The following FAT1 variants were observed in gnomAD, a reference collection of about 807,000 sequenced individuals.
FAT1 encodes the protein protocadherin Fat 1.
A neutral mutation model predicts 329.8 loss-of-function variants in FAT1; 171 were observed. The observed-to-expected ratio is 0.52, with a 90% CI of 0.46 to 0.59. The LOEUF (loss-of-function observed/expected upper bound fraction) is 0.59, where lower values mean the gene tolerates loss of function less well. Ranked by LOEUF, FAT1 falls within the 20% of genes least tolerant of loss-of-function variation. The pLI, the probability that FAT1 is intolerant of heterozygous loss-of-function variation, is 0.00. For missense variants in FAT1, 5,672 were observed against 5,774.4 expected, an observed-to-expected ratio of 0.98 and a Z score of 0.57; for synonymous variants, 2,233 against 2,228.6, an observed-to-expected ratio of 1.00 and a Z score of -0.06.
chr4:186,598,063 A>T lies in FAT1; in HGVS notation c.12166T>A (p.Cys4056Ser). 1 of 1,613,978 alleles carries T rather than the reference A, an allele frequency of 6.2e-7. No individual in the cohort carries two copies. The highest frequency in any genetic ancestry group is 8.5e-7 in the Non-Finnish European group (1 of 1,179,886). The change falls in exon 23 of 27, where the codon TGT becomes AGT. Residue 4056 changes from cysteine to serine, a missense_variant. This residue lies in a region of FAT1 where 1,706 missense variants were observed against 1,859.1 expected (regional missense o/e 0.92). Coordinates refer to ENST00000441802, the MANE Select transcript of FAT1 (RefSeq NM_005245.4). ...CCATAGAGGCATGGCTTGGAGGAAC[A>T]CGGATTGACGCTTATCTCACAGTGG... ...GTHCEISVNPCSSKPCLYGGT... is the reference protein window; with the variant it reads ...GTHCEISVNPSSSKPCLYGGT...
In FAT1 at chr4:186,628,369, A is replaced by T. The variant is rs750737765; in HGVS notation, c.4600-5T>A. ...AGGCACATCTTGATCTCGTACCTAA[A>T]AAGAATTGACACATTATCAATCCCA... On this transcript the variant is annotated splice_polypyrimidine_tract_variant and splice_region_variant and intron_variant, in intron 8 of 26. Transcript: ENST00000441802. 1 of 1,611,998 alleles carries T rather than the reference A, an allele frequency of 6.2e-7. No homozygotes were observed. The highest frequency in any genetic ancestry group is 8.5e-7 in the Non-Finnish European group (1 of 1,178,724).
intron 2 of FAT1, among the ~76,000 whole-genome samples, chr4:186,691,118 T>C (rs1743739350): frequency 1.3e-5 from 2 of 152,220 alleles, no homozygotes; most frequent in Non-Finnish European, 2.9e-5. Flanking sequence ...ATTTTGTTAA[T>C]ATAAATTGTA....
rs2126700368 is a variant in FAT1 at position 186,708,959 on chromosome 4, G to A, written c.869C>T (p.Ala290Val). Residue 290 changes from alanine to valine, a missense_variant, in exon 2 of 27, where the codon GCA becomes GTA. By Grantham distance (64) the Ala-to-Val change is moderately conservative. Transcript: ENST00000441802. ...DCDQGANGDI[A>V]SLSIVAGDLL... ...GTCACCTGCCACGATGCTTAAAGATGCTATGTCACCATTGGCACCCTGATC... is the reference window on the plus strand; with the variant it reads ...GTCACCTGCCACGATGCTTAAAGATACTATGTCACCATTGGCACCCTGATC... The A allele has an allele frequency of 6.2e-7, 1 of 1,614,002 alleles. No homozygotes were observed. Among genetic ancestry groups the A allele is most frequent in the Non-Finnish European group, 8.5e-7 (1 of 1,179,896 alleles).
At chr4:186,718,623 C>A (rs779293458) in intron 1 of FAT1, among the ~76,000 whole-genome samples, 1 of 152,100 alleles carries the variant, frequency 6.6e-6, no homozygotes, top group Non-Finnish European at 1.5e-5. Context: ...GCCGAGATTG[C>A]GCCACTGCAC....
chr4:186,706,660 C>T lies in FAT1; in HGVS notation c.3168G>A (p.Val1056=), dbSNP rs2126682366. Residue 1056 remains valine, a synonymous_variant, in exon 2 of 27, where the codon GTG becomes GTA. Transcript: ENST00000441802. ...TTCTGGCGTCCTCATCATGAGCCGACACCGTCATTACCAATGAACCAACAG... is the reference window on the plus strand; with the variant it reads ...TTCTGGCGTCCTCATCATGAGCCGATACCGTCATTACCAATGAACCAACAG... ...DAPVGSLVMT[V]SAHDEDARRD... 6.2e-7 allele frequency: 1 copy of T among 1,614,024 alleles called. No homozygotes were observed. Among genetic ancestry groups the T allele is most frequent in the Non-Finnish European group, 8.5e-7 (1 of 1,179,902 alleles).
At chr4:186,604,166 C>T (rs1738978474) in intron 18 of FAT1, among the ~76,000 whole-genome samples, 189 bp from the exon 19 acceptor site, 1 of 152,206 alleles carries the variant, frequency 6.6e-6, no homozygotes, top group African/African-American at 2.4e-5. Context: ...CACTGAAACC[C>T]AGCTCTGTCA....
At position 186,633,801 on chromosome 4, in the gene FAT1, G is replaced by A. The variant is rs374848932; in HGVS notation, c.4206C>T (p.Phe1402=). 3.7e-5 allele frequency: 59 copies of A among 1,613,784 alleles called. No individual in the cohort carries two copies. Among genetic ancestry groups the A allele is most frequent in the South Asian group, 5.5e-5 (5 of 91,084 alleles). ...TGGTTCCAGTTCCCTTGTCCACATC[G>A]AAGTGACTGTCGTAGTTGCCACCTA... The part of the protein sequence containing the change: ...DITGGNYDSH[F]DVDKGTGTII... The change falls in exon 7 of 27, where the codon TTC becomes TTT. Residue 1402 remains phenylalanine, a synonymous_variant. Coordinates refer to ENST00000441802, the MANE Select transcript of FAT1 (RefSeq NM_005245.4).
In FAT1 at chr4:186,709,972, T is replaced by C. The variant is rs1207261976; in HGVS notation, c.-18-127A>G. ...ATGGAATATAAATAAATGCAACGGTTTGGGATGTTTTTCATGTTTTCCAAT... is the reference window on the plus strand; with the variant it reads ...ATGGAATATAAATAAATGCAACGGTCTGGGATGTTTTTCATGTTTTCCAAT... On this transcript the variant is annotated intron_variant, in intron 1 of 26. Coordinates refer to ENST00000441802, the MANE Select transcript of FAT1 (RefSeq NM_005245.4). The C allele has an allele frequency of 4.8e-6, 4 of 835,666 alleles. No individual in the cohort carries two copies. The East Asian group carries it at 1.1e-4, about 23-fold the overall frequency. 51.8% of individuals were successfully genotyped at this position (835,666 alleles called of 1,614,324 possible). A position where few individuals can be genotyped will look rare whatever the true frequency, so the allele number is the denominator to read the frequency against.
intron 7 of FAT1, among the ~76,000 whole-genome samples, chr4:186,629,596 T>TG (rs1740490219): frequency 6.6e-6 from 1 of 152,160 alleles, no homozygotes; most frequent in Non-Finnish European, 1.5e-5. Context: ...CTGCGCTTCG[T>TG]GGGGGCATAT....
In FAT1 at chr4:186,665,539, G is replaced by T. The variant is rs1353603561; in HGVS notation, c.3266-1926C>A. 2.0e-5 allele frequency among the ~76,000 whole-genome samples: 3 copies of T among 152,092 alleles called. No homozygotes were observed. In the East Asian group the frequency reaches 5.8e-4, roughly 29 times the overall value. ...TATCCTTCAGCCACTTTTTGATGGGGTTGTTTTTTTCTTGTAAATTTGTTT... is the reference window on the plus strand; with the variant it reads ...TATCCTTCAGCCACTTTTTGATGGGTTTGTTTTTTTCTTGTAAATTTGTTT... On this transcript the variant is annotated intron_variant, in intron 2 of 26. Transcript: ENST00000441802.
chr4:186,705,820 T>C (rs1448613163), intron 2 of FAT1, among the ~76,000 whole-genome samples: 1 of 152,254 alleles, frequency 6.6e-6, no homozygotes, highest in East Asian at 1.9e-4. Flanking sequence ...AAAGCACTGC[T>C]ACCATGAATA....
intron 1 of FAT1, among the ~76,000 whole-genome samples, chr4:186,721,327 G>T (rs73017543): frequency 9.2e-5 from 14 of 152,234 alleles, no homozygotes; most frequent in African/African-American, 3.4e-4. Context: ...TTCCCCTCAG[G>T]TATGAGAAAA....
intron 2 of FAT1, among the ~76,000 whole-genome samples, chr4:186,667,378 G>A (rs570885861): frequency 1.1e-4 from 16 of 152,158 alleles, no homozygotes; most frequent in Admixed American, 5.9e-4. Context: ...GCAACAAAGC[G>A]ACTCTATTCA....
intron 1 of FAT1, among the ~76,000 whole-genome samples, chr4:186,716,604 G>A (rs2126717296): frequency 6.6e-6 from 1 of 152,224 alleles, no homozygotes; most frequent in Non-Finnish European, 1.5e-5. Context: ...TTTTTGTAGA[G>A]ATGGGGTTTC....
chr4:186,617,700 T>C lies in FAT1; in HGVS notation c.8878+8A>G, dbSNP rs1197553179. 1.8e-5 allele frequency: 27 copies of C among 1,540,434 alleles called. No homozygotes were observed. The highest frequency in any genetic ancestry group is 2.3e-5 in the Non-Finnish European group (26 of 1,144,978). On this transcript the variant is annotated splice_region_variant and intron_variant, in intron 10 of 26. Transcript: ENST00000441802. ...TTAATTAAACCGTTTGGTATGAATT[T>C]TTTTTACCTGTTATGAAATATGTAA...
At chr4:186,664,600 C>T (rs1742342753) in intron 2 of FAT1, among the ~76,000 whole-genome samples, 1 of 152,146 alleles carries the variant, frequency 6.6e-6, no homozygotes. Context: ...CCACTGAAAC[C>T]AGTCAAAACT....
intron 1 of FAT1, among the ~76,000 whole-genome samples, chr4:186,721,107 A>G (rs1256740221): frequency 6.6e-6 from 1 of 152,246 alleles, no homozygotes. Context: ...TACAGATTAA[A>G]TCATGACTAA....
Position 186,588,747 on chromosome 4 carries a change from A to G in FAT1, c.13612T>C (p.Ser4538Pro), listed in dbSNP as rs2126349262. ...CAGGAGGCGGTGGAGGCGTACACAG[A>G]CATGGGCATGCTCTCGACAGCGGGC... is the stretch of plus-strand genomic sequence containing the variant. The part of the protein sequence containing the change: ...EAPAVESMPM[S>P]VYASTASCSD... The change falls in exon 27 of 27, where the codon TCT becomes CCT. Residue 4538 changes from serine to proline, a missense_variant. By Grantham distance (74) the Ser-to-Pro change is moderately conservative. Transcript: ENST00000441802. 6.2e-7 allele frequency: 1 copy of G among 1,613,936 alleles called. No individual in the cohort carries two copies. Among genetic ancestry groups the G allele is most frequent in the African/African-American group, 1.3e-5 (1 of 75,024 alleles).
Position 186,611,567 on chromosome 4 carries a change from A to G in FAT1, c.9672T>C (p.Asn3224=), listed in dbSNP as rs765060563. Residue 3224 remains asparagine (N), a synonymous_variant, in exon 14 of 27, where the codon AAT becomes AAC. Transcript: ENST00000441802. ...GGTACTCAAACACAGGGGGGTTGTC[A>G]TTTATGTCAAGAACTGATACAATCA... ...GTVIVSVLDI[N]DNPPVFEYRE... 1 of 1,613,944 alleles carries G rather than the reference A, an allele frequency of 6.2e-7. No individual in the cohort carries two copies. Among genetic ancestry groups the G allele is most frequent in the Non-Finnish European group, 8.5e-7 (1 of 1,179,880 alleles).
Sources: gnomAD v4.1 joint callset for allele counts (sites outside exome capture counted in the v4.1 genomes callset) on GRCh38, gnomAD v4.1.1 for gene constraint, gnomAD v4.1.1 regional missense constraint, MANE v1.5 for transcripts, NCBI Gene and HGNC (gene_info 2026-07-23, HGNC 2026-07-21) for gene names.